Variants in TEX10 observed in about 807,000 individuals in gnomAD.
TEX10 encodes the protein testis-expressed protein 10.
In TEX10, 24 loss-of-function variants were observed where a neutral mutation model predicts 104.4. The observed-to-expected ratio is 0.23, with a 90% CI of 0.17 to 0.32. TEX10 has a LOEUF of 0.32. Ranked by LOEUF, TEX10 falls within the 10% of genes least tolerant of loss-of-function variation. The pLI, the probability that TEX10 is intolerant of heterozygous loss-of-function variation, is 1.00. For synonymous variants in TEX10, 396 were observed against 393.4 expected (o/e 1.01, Z -0.08); for missense variants, 921 against 1,083.9 (o/e 0.85, Z 2.11).
At position 100,346,198 on chromosome 9, in the gene TEX10, A is replaced by G; in HGVS notation, c.1011T>C (p.Pro337=). The G allele has an allele frequency of 6.2e-7, 1 of 1,614,054 alleles. No homozygotes were observed. Among genetic ancestry groups the G allele is most frequent in the Non-Finnish European group, 8.5e-7 (1 of 1,179,966 alleles). ...LLIECWVEAV[P]PQLATPVGNG... Reference sequence around the variant, plus strand: ...TCCCAACAGGAGTAGCTAGTTGTGGAGGTACAGCTTCAACCCAGCATTCAA... The same window carrying G: ...TCCCAACAGGAGTAGCTAGTTGTGGGGGTACAGCTTCAACCCAGCATTCAA... Residue 337 remains proline, a synonymous_variant, in exon 4 of 15, where the codon CCT becomes CCC. Coordinates refer to ENST00000374902, the MANE Select transcript of TEX10 (RefSeq NM_017746.4).
At chr9:100,350,049 A>G (rs954623927) in intron 1 of TEX10, among the ~76,000 whole-genome samples, 26 of 152,198 alleles carry the variant, frequency 1.7e-4, no homozygotes, top group Non-Finnish European at 3.4e-4. Context: ...AGCAGCATAA[A>G]AAGAAATATA....
At chr9:100,333,636 T>TAAAAAAAAAAAAAAAAACCAAAAAA in intron 5 of TEX10, among the ~76,000 whole-genome samples, 1 of 109,762 alleles carries the variant, frequency 9.1e-6, no homozygotes, top group Non-Finnish European at 2.0e-5. Flanking sequence ...GACCCCATCA[T>TAAAAAAAAAAAAAAAAACCAAAAAA]AAAAAAAAAA....
chr9:100,315,935 C>T (rs545013912), intron 11 of TEX10, among the ~76,000 whole-genome samples: 29 of 152,230 alleles, frequency 1.9e-4, no homozygotes, highest in Non-Finnish European at 3.7e-4. Context: ...TGTATCTGGA[C>T]GTCTAAATCT....
chr9:100,316,254 A>G (rs148859022), intron 11 of TEX10, among the ~76,000 whole-genome samples: 1 of 152,350 alleles, frequency 6.6e-6, no homozygotes, highest in Non-Finnish European at 1.5e-5. Context: ...CATCACATAA[A>G]CAGAATTAAG....
At chr9:100,319,534 G>A (rs1298496539) in intron 11 of TEX10, among the ~76,000 whole-genome samples, 4 of 152,140 alleles carry the variant, frequency 2.6e-5, no homozygotes, top group Admixed American at 2.6e-4. Flanking sequence ...GCTGGGTGTG[G>A]TGGCTCACGC....
chr9:100,338,066 T>C, intron 5 of TEX10, among the ~76,000 whole-genome samples: 1 of 152,206 alleles, frequency 6.6e-6, no homozygotes, highest in East Asian at 1.9e-4. Context: ...GGGTTGGGAC[T>C]CTGCGACCCA....
chr9:100,338,259 T>C (rs1198407913), intron 5 of TEX10, among the ~76,000 whole-genome samples: 5 of 152,204 alleles, frequency 3.3e-5, no homozygotes, highest in Admixed American at 1.3e-4. Context: ...TTCATTATAG[T>C]AGCCATAGCA....
chr9:100,352,359 G>A (rs1835475674), intron 1 of TEX10: 3 of 1,551,410 alleles, frequency 1.9e-6, no homozygotes, highest in Admixed American at 2.0e-5. Flanking sequence ...ACGGAACAGG[G>A]GACGCCAGCT....
chr9:100,327,150 G>A (rs1164694628), intron 8 of TEX10, among the ~76,000 whole-genome samples: 1 of 152,090 alleles, frequency 6.6e-6, no homozygotes, highest in Admixed American at 6.6e-5. Context: ...GAAAGTAGAT[G>A]AGTGATTTCC....
intron 4 of TEX10, among the ~76,000 whole-genome samples, chr9:100,342,944 G>A (rs952637899): frequency 1.3e-5 from 2 of 151,890 alleles, no homozygotes; most frequent in African/African-American, 2.4e-5. Flanking sequence ...TCAGGAGATC[G>A]AGACCATCCT....
At chr9:100,344,856 A>C (rs1351432842) in intron 4 of TEX10, among the ~76,000 whole-genome samples, 1 of 152,184 alleles carries the variant, frequency 6.6e-6, no homozygotes, top group Non-Finnish European at 1.5e-5. Context: ...CAAAAATAAA[A>C]AGAAAAGAAA....
intron 11 of TEX10, among the ~76,000 whole-genome samples, chr9:100,310,940 C>T (rs1288981259): frequency 1.3e-5 from 2 of 151,996 alleles, no homozygotes; most frequent in Non-Finnish European, 2.9e-5. Context: ...AATGAGAAAC[C>T]TTCTCTTCTT....
intron 11 of TEX10, among the ~76,000 whole-genome samples, chr9:100,315,825 T>C (rs915507685): frequency 6.6e-6 from 1 of 152,248 alleles, no homozygotes; most frequent in Non-Finnish European, 1.5e-5. Context: ...TTGCTGATTT[T>C]AGAATTCTCT....
intron 11 of TEX10, among the ~76,000 whole-genome samples, chr9:100,314,111 A>G (rs1381940102): frequency 7.0e-6 from 1 of 143,620 alleles, no homozygotes; most frequent in Non-Finnish European, 1.5e-5. Flanking sequence ...TTTTTGAGAC[A>G]GAGTCTCGCT....
At chr9:100,305,699 T>C (rs1834126956) in intron 13 of TEX10, 1 of 152,158 alleles carries the variant, frequency 6.6e-6, no homozygotes. Flanking sequence ...TATAAAGATA[T>C]CCAACAGTCA....
chr9:100,351,253 C>G (rs1340688813), intron 1 of TEX10, among the ~76,000 whole-genome samples: 1 of 151,852 alleles, frequency 6.6e-6, no homozygotes, highest in Non-Finnish European at 1.5e-5. Context: ...CTTTAACATA[C>G]CAGAATTAAC....
chr9:100,348,102 T>C lies in TEX10; in HGVS notation c.181-696A>G, dbSNP rs976846627. Among the ~76,000 whole-genome samples, 7 of 152,346 alleles carry C rather than the reference T, an allele frequency of 4.6e-5. No homozygotes were observed. In the East Asian group the frequency reaches 1.2e-3, roughly 25 times the overall value. On this transcript the variant is annotated intron_variant, in intron 2 of 14. Coordinates refer to ENST00000374902, the MANE Select transcript of TEX10 (RefSeq NM_017746.4). ...AAAGGAATGTACCACTGTTCTGATATATGCTACAAGCTACATACAACCTGG... is the reference window on the plus strand; with the variant it reads ...AAAGGAATGTACCACTGTTCTGATACATGCTACAAGCTACATACAACCTGG...
intron 13 of TEX10, among the ~76,000 whole-genome samples, chr9:100,308,132 C>T (rs1834185765): frequency 6.6e-6 from 1 of 152,188 alleles, no homozygotes; most frequent in Non-Finnish European, 1.5e-5. Context: ...CTGGCTAGCT[C>T]TAATGAAGCT....
At chr9:100,327,733 G>A (rs1834743655) in intron 8 of TEX10, 54 bp downstream of exon 8, 2 of 1,391,926 alleles carry the variant, frequency 1.4e-6, no homozygotes. Context: ...AACTTCTTTT[G>A]TATATCAGGG....
Sources: allele counts gnomAD v4.1 joint callset (sites outside exome capture counted in the v4.1 genomes callset), GRCh38; gene constraint gnomAD v4.1.1; transcripts MANE v1.5; gene names NCBI Gene and HGNC (gene_info 2026-07-23, HGNC 2026-07-21).